The following RORA variants were observed in gnomAD, a reference collection of about 807,000 sequenced individuals.
RORA encodes nuclear receptor ROR-alpha.
Under a neutral mutation model 69.5 loss-of-function variants are expected in RORA, and 7 were observed. The observed-to-expected ratio is 0.10, with a 90% CI of 0.06 to 0.19. RORA has a LOEUF of 0.19. Ranked by LOEUF, RORA falls within the 10% of genes least tolerant of loss-of-function variation. RORA has a pLI of 1.00. For missense variants in RORA, 457 were observed against 663.0 expected (o/e 0.69, Z 3.41); for synonymous variants, 261 against 240.8 (o/e 1.08, Z -0.78).
At chr15:60,517,280 G>T (rs766292287) in intron 3 of RORA, among the ~76,000 whole-genome samples, 3 of 151,874 alleles carry the variant, frequency 2.0e-5, no homozygotes, top group Non-Finnish European at 4.4e-5. Flanking sequence ...ATGGGACAGG[G>T]CAGGACCCTG....
chr15:60,959,110 A>G (rs997320650), intron 1 of RORA, among the ~76,000 whole-genome samples: 5 of 152,240 alleles, frequency 3.3e-5, no homozygotes, highest in African/African-American at 4.8e-5. Flanking sequence ...TTCAAAAGCT[A>G]GAACTACCAG....
intron 1 of RORA, among the ~76,000 whole-genome samples, chr15:61,217,847 A>T (rs1228498504): frequency 6.6e-6 from 1 of 152,210 alleles, no homozygotes; most frequent in African/African-American, 2.4e-5. Context: ...GCATGTGCTA[A>T]AAGTGGCATA....
chr15:60,577,625 C>T (rs11071542), intron 2 of RORA, among the ~76,000 whole-genome samples: 53,058 of 139,694 alleles, frequency 0.38, 10,897 homozygotes, highest in East Asian at 0.65. Flanking sequence ...GCCTGGGTGA[C>T]AGAGTGAGAC....
In RORA at chr15:60,591,270, C is replaced by T. The variant is rs542420459; in HGVS notation, c.197-59419G>A. On this transcript the variant is annotated intron_variant, in intron 2 of 10. Transcript: ENST00000335670. ...AGCAGCTCGGGCAGATTATCCACGGCGAGGAACCTGCGGGCGCACAAGCGG... is the reference window on the plus strand; with the variant it reads ...AGCAGCTCGGGCAGATTATCCACGGTGAGGAACCTGCGGGCGCACAAGCGG... Among the ~76,000 whole-genome samples the T allele has an allele frequency of 2.5e-3, 375 of 152,306 alleles. 1 individual carries two copies. The highest frequency in any genetic ancestry group is 8.8e-3 in the African/African-American group (366 of 41,558).
intron 1 of RORA, among the ~76,000 whole-genome samples, chr15:61,071,774 C>A (rs1235958721): frequency 2.0e-5 from 3 of 151,536 alleles, no homozygotes; most frequent in Non-Finnish European, 4.4e-5. Flanking sequence ...TGAAGGTTAC[C>A]AAAAGCAACA....
chr15:61,017,904 A>G (rs1895359536), intron 1 of RORA, among the ~76,000 whole-genome samples: 1 of 152,192 alleles, frequency 6.6e-6, no homozygotes. Flanking sequence ...GATCCTTCTG[A>G]CGGGGTGAGC....
chr15:60,553,961 T>A (rs975875617), intron 2 of RORA, among the ~76,000 whole-genome samples: 2 of 152,210 alleles, frequency 1.3e-5, no homozygotes, highest in Admixed American at 1.3e-4. Context: ...TTCACTTAAT[T>A]TCTGTGAGGC....
chr15:60,973,281 C>A (rs4775338), intron 1 of RORA, among the ~76,000 whole-genome samples: 142,757 of 152,202 alleles, frequency 0.94, 67,476 homozygotes, highest in Non-Finnish European at 1. Flanking sequence ...GTCTACACAC[C>A]GTGAGGCCCA....
chr15:60,812,910 T>C (rs2072763547), intron 1 of RORA, among the ~76,000 whole-genome samples: 1 of 152,194 alleles, frequency 6.6e-6, no homozygotes, highest in Non-Finnish European at 1.5e-5. Flanking sequence ...AAAAGGACAC[T>C]GCCAGTTTCT....
At chr15:60,837,034 T>G (rs1365456927) in intron 1 of RORA, among the ~76,000 whole-genome samples, 2 of 121,080 alleles carry the variant, frequency 1.7e-5, no homozygotes, top group Non-Finnish European at 3.7e-5. Flanking sequence ...ATTCATACCT[T>G]GACCTTTTTT....
At chr15:60,674,813 T>A (rs1207973695) in intron 2 of RORA, among the ~76,000 whole-genome samples, 1 of 152,182 alleles carries the variant, frequency 6.6e-6, no homozygotes, top group Non-Finnish European at 1.5e-5. Flanking sequence ...TCCTGACTGC[T>A]TCCACTGAGT....
chr15:60,639,197 TA>T (rs1269298042), intron 2 of RORA, among the ~76,000 whole-genome samples: 1 of 148,740 alleles, frequency 6.7e-6, no homozygotes. Flanking sequence ...CTTTGTTCTT[TA>T]AACCATAAGC....
At chr15:60,664,872 T>A (rs1163694342) in intron 2 of RORA, among the ~76,000 whole-genome samples, 1 of 152,228 alleles carries the variant, frequency 6.6e-6, no homozygotes, top group South Asian at 2.1e-4. Flanking sequence ...TTTGCTCCTC[T>A]TGTTTTGACT....
intron 1 of RORA, among the ~76,000 whole-genome samples, chr15:61,138,663 C>G (rs1183809869): frequency 6.6e-6 from 1 of 152,036 alleles, no homozygotes; most frequent in Non-Finnish European, 1.5e-5. Context: ...ACAGGGAGGG[C>G]CTTTTCCTGC....
chr15:61,074,426 A>T (rs1322118201), intron 1 of RORA, among the ~76,000 whole-genome samples: 1 of 152,214 alleles, frequency 6.6e-6, no homozygotes, highest in Admixed American at 6.5e-5. Context: ...ACTCAGTGAT[A>T]CAGACACAGA....
intron 1 of RORA, among the ~76,000 whole-genome samples, chr15:60,913,408 A>T (rs1891784848): frequency 6.6e-6 from 1 of 152,216 alleles, no homozygotes; most frequent in Non-Finnish European, 1.5e-5. Flanking sequence ...AGGAAAGCCT[A>T]GAGGAAATTG....
intron 2 of RORA, among the ~76,000 whole-genome samples, chr15:60,651,450 G>C (rs1332278182): frequency 6.6e-6 from 1 of 152,022 alleles, no homozygotes; most frequent in Non-Finnish European, 1.5e-5. Flanking sequence ...ATATCCACTT[G>C]GCATACTCTG....
intron 2 of RORA, among the ~76,000 whole-genome samples, chr15:60,606,889 C>T (rs370777736): frequency 1.3e-5 from 2 of 152,046 alleles, no homozygotes; most frequent in Non-Finnish European, 2.9e-5. Flanking sequence ...AAGAAAGAAA[C>T]AAAGATCAGC....
intron 1 of RORA, among the ~76,000 whole-genome samples, chr15:61,143,200 GAAGA>G (rs2079316776): frequency 6.6e-6 from 1 of 151,916 alleles, no homozygotes; most frequent in Admixed American, 6.6e-5. Flanking sequence ...TAAATATACA[GAAGA>G]AAGGTATCAT....
Sources: gnomAD v4.1 joint callset for allele counts (sites outside exome capture counted in the v4.1 genomes callset) on GRCh38, gnomAD v4.1.1 for gene constraint, MANE v1.5 for transcripts, NCBI Gene and HGNC (gene_info 2026-07-23, HGNC 2026-07-21) for gene names.